The following CD47 variants were observed in gnomAD, a reference collection of about 807,000 sequenced individuals.
CD47 encodes CD47 molecule.
CD47 carries 11 observed loss-of-function variants against 44.6 expected under a neutral mutation model. The ratio of observed to expected loss-of-function variants is 0.25; its 90% CI spans 0.16 to 0.41. The LOEUF (loss-of-function observed/expected upper bound fraction) is 0.41. CD47 is among the 10% of genes least tolerant of loss of function. CD47 has a pLI of 1.00. For missense variants in CD47, 306 were observed against 386.7 expected (o/e 0.79, Z 1.75); for synonymous variants, 140 against 136.3 (o/e 1.03, Z -0.19).
At chr3:108,087,628 T>C (rs1260332503) in intron 1 of CD47, among the ~76,000 whole-genome samples, 1 of 152,162 alleles carries the variant, frequency 6.6e-6, no homozygotes. Context: ...TGGAAAAAAG[T>C]GGTTTTGACA....
At chr3:108,054,917 A>G (rs902325666) in intron 7 of CD47, among the ~76,000 whole-genome samples, 1 of 152,172 alleles carries the variant, frequency 6.6e-6, no homozygotes, top group Admixed American at 6.5e-5. Context: ...ATGAGAAAGT[A>G]TTGATCCTTA....
chr3:108,043,156 C>A lies in CD47; in HGVS notation c.*4132G>T, dbSNP rs934464458. On this transcript the variant is annotated 3_prime_UTR_variant, in exon 11 of 11. Transcript: ENST00000361309. ...TTAAAAGCTTATTGGGTATTATACT[C>A]AAAAAATTCATAATTAATATTTTAA... 4 of 152,446 alleles carry A rather than the reference C, an allele frequency of 2.6e-5. No homozygotes were observed. Among genetic ancestry groups the A allele is most frequent in the African/African-American group, 2.4e-5 (1 of 41,402 alleles). The allele number at this position is 152,446 out of a possible 1,614,324, so 9.4% of individuals were successfully genotyped here. A position where few individuals can be genotyped will look rare whatever the true frequency, so the allele number is the denominator to read the frequency against.
chr3:108,068,482 T>C (rs1213910251), intron 3 of CD47, among the ~76,000 whole-genome samples: 1 of 152,212 alleles, frequency 6.6e-6, no homozygotes, highest in Non-Finnish European at 1.5e-5. Flanking sequence ...TAATAAGTTT[T>C]AGCTACTCAG....
chr3:108,077,664 G>A lies in CD47; in HGVS notation c.400+2327C>T, dbSNP rs112439812. Reference sequence around the variant, plus strand: ...AACCAAAATGTCCTACTATAGGTAAGTGGTTAAACAAACTGTGATATATTC... The same window carrying A: ...AACCAAAATGTCCTACTATAGGTAAATGGTTAAACAAACTGTGATATATTC... On this transcript the variant is annotated intron_variant, in intron 2 of 10. Transcript: ENST00000361309. Among the ~76,000 whole-genome samples, 692 of 152,098 alleles carry A rather than the reference G, an allele frequency of 4.5e-3. 3 individuals carry two copies. Among genetic ancestry groups the A allele is most frequent in the African/African-American group, 0.016 (651 of 41,490 alleles).
chr3:108,057,758 C>CA (rs1465911176), intron 6 of CD47, among the ~76,000 whole-genome samples, 189 bp from the exon 7 acceptor site: 1 of 152,124 alleles, frequency 6.6e-6, no homozygotes, highest in Non-Finnish European at 1.5e-5. Flanking sequence ...CTTTGCATAA[C>CA]ACATACCTTA....
intron 3 of CD47, among the ~76,000 whole-genome samples, chr3:108,062,996 T>C (rs1200195738): frequency 6.6e-6 from 1 of 152,052 alleles, no homozygotes; most frequent in Non-Finnish European, 1.5e-5. Flanking sequence ...GAATCTCATA[T>C]AAAATTTATC....
At chr3:108,059,312 C>A in intron 5 of CD47, 140 bp downstream of exon 5, 1 of 432,182 alleles carries the variant, frequency 2.3e-6, no homozygotes. Flanking sequence ...GGGAAAATGT[C>A]ACTAAGAATA....
intron 3 of CD47, among the ~76,000 whole-genome samples, chr3:108,066,204 G>T (rs554657099): frequency 6.6e-6 from 1 of 151,718 alleles, no homozygotes; most frequent in Non-Finnish European, 1.5e-5. Context: ...CATCTGAGCC[G>T]TAACCAAAAT....
intron 2 of CD47, among the ~76,000 whole-genome samples, chr3:108,074,410 T>C (rs11712440): frequency 0.099 from 15,071 of 151,706 alleles, 1,488 homozygotes; most frequent in East Asian, 0.56. Context: ...ACCTCCCGGG[T>C]TCAAGCAATT....
intron 3 of CD47, among the ~76,000 whole-genome samples, chr3:108,070,215 T>C (rs1005925203): frequency 1.5e-4 from 23 of 152,242 alleles, no homozygotes; most frequent in Non-Finnish European, 2.6e-4. Flanking sequence ...AATAGTTTAC[T>C]AGCTTTTGTG....
intron 2 of CD47, among the ~76,000 whole-genome samples, chr3:108,078,394 A>G (rs975644245): frequency 6.6e-6 from 1 of 151,862 alleles, no homozygotes; most frequent in Admixed American, 6.6e-5. Flanking sequence ...TCTTCATTTC[A>G]TCTTCTGGCC....
intron 2 of CD47, among the ~76,000 whole-genome samples, chr3:108,079,774 A>G (rs542607805): frequency 6.6e-6 from 1 of 151,966 alleles, no homozygotes; most frequent in South Asian, 2.1e-4. Flanking sequence ...TTAACAAGTA[A>G]TACAAATTAA....
In CD47 at chr3:108,050,578, C is replaced by CAT; in HGVS notation, c.932_933dup (p.Ala312MetfsTer9). ...GATTAAGAGTGAAATAACCACATAC[C>CAT]ATTAAGGGGTTCCTCTACAGCTTTC... On this transcript the variant is annotated frameshift_variant and splice_region_variant, in exon 9 of 11. Transcript: ENST00000361309. LOFTEE classifies it high-confidence loss of function. 2 of 1,206,578 alleles carry CAT rather than the reference C, an allele frequency of 1.7e-6. No individual in the cohort carries two copies. The highest frequency in any genetic ancestry group is 2.4e-6 in the Non-Finnish European group (2 of 840,836). 74.7% of individuals were successfully genotyped at this position (1,206,578 alleles called of 1,614,324 possible). A position where few individuals can be genotyped will look rare whatever the true frequency, so the allele number is the denominator to read the frequency against.
intron 10 of CD47, among the ~76,000 whole-genome samples, chr3:108,048,053 A>G (rs2078749848): frequency 6.6e-6 from 1 of 152,154 alleles, no homozygotes; most frequent in African/African-American, 2.4e-5. Context: ...AGGAAAGGAC[A>G]TAGAAATTAA....
chr3:108,058,254 A>G (rs2078949518), intron 6 of CD47, 83 bp downstream of exon 6: 1 of 806,288 alleles, frequency 1.2e-6, no homozygotes, highest in East Asian at 3.1e-5. Flanking sequence ...TATATTTTTA[A>G]AAAGAGAGAA....
chr3:108,055,474 G>A (rs983155531), intron 7 of CD47: 25 of 1,061,484 alleles, frequency 2.4e-5, no homozygotes, highest in Middle Eastern at 4.7e-4. Context: ...CCATATTAAT[G>A]TTCCTCCTAG....
chr3:108,059,762 C>G (rs544659710), intron 4 of CD47, among the ~76,000 whole-genome samples: 2 of 152,170 alleles, frequency 1.3e-5, no homozygotes, highest in Non-Finnish European at 2.9e-5. Context: ...TTGGCTCTGC[C>G]TCCTTCTTAA....
chr3:108,083,743 A>C (rs936789224), intron 1 of CD47, among the ~76,000 whole-genome samples: 4 of 151,752 alleles, frequency 2.6e-5, no homozygotes, highest in Non-Finnish European at 5.9e-5. Context: ...CTTTTTAACA[A>C]CTCTTAAATT....
chr3:108,089,177 TAACAC>T (rs1403553938), intron 1 of CD47, among the ~76,000 whole-genome samples: 11 of 152,348 alleles, frequency 7.2e-5, no homozygotes, highest in Admixed American at 2.0e-4. Flanking sequence ...AGTCCACACT[TAACAC>T]AACTCAACTG....
Sources: allele counts gnomAD v4.1 joint callset (sites outside exome capture counted in the v4.1 genomes callset), GRCh38; gene constraint gnomAD v4.1.1; transcripts MANE v1.5; gene names NCBI Gene and HGNC (gene_info 2026-07-23, HGNC 2026-07-21).